Variants in TCF12 observed in about 807,000 individuals in gnomAD.
TCF12 encodes the protein transcription factor 12, also known as DNA-binding protein HTF4.
TCF12 carries 45 observed loss-of-function variants against 86.0 expected under a neutral mutation model. The observed-to-expected ratio is 0.52, with a 90% CI of 0.41 to 0.67. The LOEUF is 0.67. Among genes scored for constraint, TCF12 ranks in the 30% least tolerant of loss-of-function variants. The probability of loss-of-function intolerance (pLI) is 0.00; values close to 1 mark genes in which losing one functional copy is unlikely to be tolerated. For synonymous variants in TCF12, 330 were observed against 299.6 expected (o/e 1.10, Z -1.05); for missense variants, 881 against 859.9 (o/e 1.02, Z -0.31).
At chr15:57,023,070 G>C (rs1402742512) in intron 3 of TCF12, among the ~76,000 whole-genome samples, 4 of 152,098 alleles carry the variant, frequency 2.6e-5, no homozygotes, top group South Asian at 2.1e-4. Flanking sequence ...ATAATTTGCT[G>C]TTCAGGAATT....
intron 5 of TCF12, among the ~76,000 whole-genome samples, chr15:57,097,589 A>G (rs2049418208): frequency 6.6e-6 from 1 of 152,186 alleles, no homozygotes; most frequent in South Asian, 2.1e-4. Context: ...TCTTCACTAG[A>G]TGAGATACTG....
Position 57,166,420 on chromosome 15 carries a change from G to C in TCF12, c.344G>C (p.Gly115Ala). The stretch of plus-strand genomic sequence containing the variant: ...TTTATAGGAAAAACATCAGAGAGAG[G>C]CTCATTTTCCCTGTACAGCAGAGAT... The part of the protein sequence containing the change: ...SNLMGKTSER[G>A]SFSLYSRDTG... The change falls in exon 6 of 21, where the codon GGC (glycine) becomes GCC (alanine). Residue 115 changes from glycine to alanine, a missense_variant. This residue lies in a region of TCF12 where 766 missense variants were observed against 718.9 expected (regional missense o/e 1.07). Transcript: ENST00000333725. 8.1e-6 allele frequency: 13 copies of C among 1,611,584 alleles called. No homozygotes were observed. Among genetic ancestry groups the C allele is most frequent in the Non-Finnish European group, 1.0e-5 (12 of 1,179,074 alleles).
intron 5 of TCF12, among the ~76,000 whole-genome samples, chr15:57,146,007 A>G (rs548775022): frequency 1.4e-4 from 21 of 152,310 alleles, no homozygotes; most frequent in African/African-American, 4.3e-4. Context: ...TGATCTGAAT[A>G]TTACACTTTG....
intron 4 of TCF12, among the ~76,000 whole-genome samples, chr15:57,081,515 A>C (rs2070655602): frequency 6.6e-6 from 1 of 152,120 alleles, no homozygotes; most frequent in South Asian, 2.1e-4. Context: ...ATGTATGCTC[A>C]TGCTATTATT....
intron 5 of TCF12, among the ~76,000 whole-genome samples, chr15:57,143,213 T>C (rs1416280565): frequency 6.6e-6 from 1 of 151,680 alleles, no homozygotes; most frequent in African/African-American, 2.4e-5. Context: ...AACTTGGTCC[T>C]TTTGTTAAAG....
intron 8 of TCF12, among the ~76,000 whole-genome samples, chr15:57,206,067 A>G (rs1362053692): frequency 2.0e-5 from 3 of 152,224 alleles, no homozygotes; most frequent in African/African-American, 7.2e-5. Context: ...CACAAAGCAG[A>G]TGTAGGATAA....
At chr15:57,069,716 G>T (rs1344464285) in intron 4 of TCF12, among the ~76,000 whole-genome samples, 1 of 152,180 alleles carries the variant, frequency 6.6e-6, no homozygotes, top group Admixed American at 6.5e-5. Context: ...TTATGCTAGT[G>T]CTTTTTAACC....
chr15:57,164,320 CTG>C (rs1197997000), intron 5 of TCF12, among the ~76,000 whole-genome samples: 3 of 152,236 alleles, frequency 2.0e-5, no homozygotes, highest in South Asian at 4.1e-4. Flanking sequence ...TAACCCAAGA[CTG>C]TGTAATTTAT....
At chr15:56,974,777 A>C (rs1473757105) in intron 3 of TCF12, among the ~76,000 whole-genome samples, 3 of 152,092 alleles carry the variant, frequency 2.0e-5, no homozygotes, top group African/African-American at 7.2e-5. Flanking sequence ...TTGTTTGACA[A>C]CTAATTTCGT....
chr15:57,225,161 G>A (rs542770223), intron 8 of TCF12, among the ~76,000 whole-genome samples: 2 of 147,408 alleles, frequency 1.4e-5, no homozygotes, highest in African/African-American at 5.0e-5. Flanking sequence ...AACAAGGAAA[G>A]TGAGAAGGCC....
At chr15:57,262,252 T>C (rs1230735048) in intron 17 of TCF12, 44 bp downstream of exon 17, 6 of 1,348,480 alleles carry the variant, frequency 4.4e-6, no homozygotes, top group Admixed American at 1.8e-5. Flanking sequence ...GACAGAGATA[T>C]CATTTGGAAC....
At chr15:56,934,283 T>G (rs1198552446) in intron 3 of TCF12, among the ~76,000 whole-genome samples, 1 of 152,224 alleles carries the variant, frequency 6.6e-6, no homozygotes, top group Admixed American at 6.5e-5. Flanking sequence ...GCTTCTACTT[T>G]GTACTGATAA....
chr15:56,919,973 A>T lies in TCF12; in HGVS notation c.60A>T (p.Leu20=). 1 of 1,613,826 alleles carries T rather than the reference A, an allele frequency of 6.2e-7. No individual in the cohort carries two copies. The highest frequency in any genetic ancestry group is 2.2e-5 in the East Asian group (1 of 44,850). ...GGACCGACAAGGAGCTGAGCGACCT[A>T]CTGGACTTCAGTGCGGTATGAGAGC... The part of the protein sequence containing the change: ...AIGTDKELSD[L]LDFSAMFSPP... The change falls in exon 2 of 21, where the codon CTA becomes CTT. Residue 20 remains leucine, a synonymous_variant. Coordinates refer to ENST00000333725, the MANE Select transcript of TCF12 (RefSeq NM_207037.2).
chr15:57,101,040 G>T (rs2049706944), intron 5 of TCF12, among the ~76,000 whole-genome samples: 1 of 152,156 alleles, frequency 6.6e-6, no homozygotes, highest in Admixed American at 6.5e-5. Context: ...CACCATTTTT[G>T]TAATCTCCTT....
At chr15:57,260,533 A>G (rs2060540961) in intron 16 of TCF12, among the ~76,000 whole-genome samples, 1 of 152,222 alleles carries the variant, frequency 6.6e-6, no homozygotes, top group Non-Finnish European at 1.5e-5. Flanking sequence ...GTAAAACAGA[A>G]TTAGTATATA....
chr15:57,155,535 C>A (rs1250277461), intron 5 of TCF12, among the ~76,000 whole-genome samples: 1 of 152,160 alleles, frequency 6.6e-6, no homozygotes, highest in Non-Finnish European at 1.5e-5. Context: ...TGGCTCACCC[C>A]TGTAATCCCA....
chr15:57,165,915 G>A (rs1449472103), intron 5 of TCF12, among the ~76,000 whole-genome samples: 1 of 152,180 alleles, frequency 6.6e-6, no homozygotes, highest in Non-Finnish European at 1.5e-5. Context: ...ATTCTAACTA[G>A]TGGGTACATG....
intron 3 of TCF12, among the ~76,000 whole-genome samples, chr15:57,058,566 G>A (rs2068207203): frequency 6.6e-6 from 1 of 151,986 alleles, no homozygotes; most frequent in South Asian, 2.1e-4. Flanking sequence ...CTTTCCACCG[G>A]ACTTACTTTC....
chr15:57,112,209 G>A (rs888112376), intron 5 of TCF12, among the ~76,000 whole-genome samples: 3 of 152,162 alleles, frequency 2.0e-5, no homozygotes, highest in Non-Finnish European at 4.4e-5. Flanking sequence ...AGAAAGGCCT[G>A]GGGGTGGGAA....
Sources: allele counts gnomAD v4.1 joint callset (sites outside exome capture counted in the v4.1 genomes callset), GRCh38; gene constraint gnomAD v4.1.1; regional missense constraint gnomAD v4.1.1; transcripts MANE v1.5; gene names NCBI Gene and HGNC (gene_info 2026-07-23, HGNC 2026-07-21).